RCAN3: variants seen among roughly 807,000 people sequenced by gnomAD.
RCAN3 encodes regulator of calcineurin 3, also known as calcipressin-3.
Under a neutral mutation model 21.9 loss-of-function variants are expected in RCAN3, and 19 were observed. The ratio of observed to expected loss-of-function variants is 0.87; its 90% CI spans 0.61 to 1.27. The LOEUF is 1.27. RCAN3 is among the 50% of genes most tolerant of loss of function. RCAN3 has a pLI of 0.00. For synonymous variants in RCAN3, 114 were observed against 112.3 expected (o/e 1.01, Z -0.09); for missense variants, 240 against 300.1 (o/e 0.80, Z 1.48).
intron 2 of RCAN3, among the ~76,000 whole-genome samples, chr1:24,517,822 G>A (rs1438585957): frequency 3.3e-5 from 5 of 150,158 alleles, no homozygotes; most frequent in Admixed American, 6.6e-5. Flanking sequence ...GTGAGACCTC[G>A]TTTCTATTAA....
chr1:24,528,587 G>A (rs1243395268), intron 2 of RCAN3, among the ~76,000 whole-genome samples: 1 of 152,176 alleles, frequency 6.6e-6, no homozygotes, highest in African/African-American at 2.4e-5. Flanking sequence ...TTAAGACAAA[G>A]GGCATTCCTT....
chr1:24,506,241 C>T (rs1404723084), intron 1 of RCAN3, among the ~76,000 whole-genome samples: 2 of 151,774 alleles, frequency 1.3e-5, no homozygotes, highest in East Asian at 1.9e-4. Flanking sequence ...CACTCTAGCC[C>T]GCATGACAGA....
In RCAN3 at chr1:24,537,738, A is replaced by T. The variant is rs56404812; in HGVS notation, c.*2461A>T. ...ACATGGTGAAATCCTGTCTCTACTTAAAAAATACAAAATTAGCCTGGCATG... is the reference window on the plus strand; with the variant it reads ...ACATGGTGAAATCCTGTCTCTACTTTAAAAATACAAAATTAGCCTGGCATG... On this transcript the variant is annotated 3_prime_UTR_variant, in exon 5 of 5. Coordinates refer to ENST00000374395, the MANE Select transcript of RCAN3 (RefSeq NM_013441.4). The T allele has an allele frequency of 0.039, 5,936 of 152,234 alleles. 213 individuals are homozygous for T. The highest frequency in any genetic ancestry group is 0.092 in the African/African-American group (3,817 of 41,498). 9.4% of individuals were successfully genotyped at this position (152,234 alleles called of 1,614,324 possible).
intron 2 of RCAN3, among the ~76,000 whole-genome samples, chr1:24,523,779 T>C (rs1365313932): frequency 6.6e-6 from 1 of 152,116 alleles, no homozygotes; most frequent in Admixed American, 6.6e-5. Flanking sequence ...TAATGTAATA[T>C]ATTTTGAGAT....
At chr1:24,519,791 T>C (rs1002742025) in intron 2 of RCAN3, among the ~76,000 whole-genome samples, 9 of 152,238 alleles carry the variant, frequency 5.9e-5, no homozygotes, top group African/African-American at 1.9e-4. Flanking sequence ...GGCTTAGTGA[T>C]GCAATGCTAT....
chr1:24,530,356 C>CAAAAAAAAAAA (rs56914359), intron 2 of RCAN3, among the ~76,000 whole-genome samples: 1,840 of 81,380 alleles, frequency 0.023, 123 homozygotes, highest in Non-Finnish European at 0.036. Context: ...CTCTTATCTC[C>CAAAAAAAAAAA]AAAAAAAAAA....
intron 2 of RCAN3, among the ~76,000 whole-genome samples, chr1:24,517,468 AAC>A (rs905531988): frequency 2.6e-5 from 4 of 152,000 alleles, no homozygotes; most frequent in Non-Finnish European, 5.9e-5. Context: ...GGAAATTTTT[AAC>A]CTGCAAAAAG....
chr1:24,514,487 A>T lies in RCAN3; in HGVS notation c.115A>T (p.Met39Leu). The change falls in exon 2 of 5, where the codon ATG becomes TTG. Residue 39 changes from methionine (M) to leucine (L), a missense_variant. By Grantham distance (15) the Met-to-Leu change is conservative. Coordinates refer to ENST00000374395, the MANE Select transcript of RCAN3 (RefSeq NM_013441.4). The stretch of plus-strand genomic sequence containing the variant: ...TGAAAATGAAGATGATTTGGATGAG[A>T]TGATGGATTTAAGTGATCTGCCTAC... ...FGENEDDLDE[M>L]MDLSDLPTSL... is the part of the protein sequence containing the mutation. The T allele has an allele frequency of 1.2e-6, 2 of 1,614,142 alleles. No individual in the cohort carries two copies. Among genetic ancestry groups the T allele is most frequent in the Non-Finnish European group, 1.7e-6 (2 of 1,180,020 alleles).
chr1:24,506,127 G>C lies in RCAN3; in HGVS notation c.-60+2977G>C, dbSNP rs188730091. Among the ~76,000 whole-genome samples the C allele has an allele frequency of 2.8e-4, 43 of 152,276 alleles. No individual in the cohort carries two copies. The East Asian group carries it at 8.1e-3, about 29-fold the overall frequency. ...TTGCTTACAGGAGCTGGAGGATATC[G>C]GTTCAGCCCTTTCTGCTGGGCCAGT... On this transcript the variant is annotated intron_variant, in intron 1 of 4. Transcript: ENST00000374395.
At chr1:24,519,969 G>T (rs776699328) in intron 2 of RCAN3, among the ~76,000 whole-genome samples, 17 of 152,250 alleles carry the variant, frequency 1.1e-4, no homozygotes, top group Non-Finnish European at 1.6e-4. Flanking sequence ...TCCATTTAAA[G>T]AAGTATCAAA....
chr1:24,509,823 G>A (rs1180498332), intron 1 of RCAN3, among the ~76,000 whole-genome samples: 1 of 152,170 alleles, frequency 6.6e-6, no homozygotes, highest in East Asian at 1.9e-4. Flanking sequence ...AGATCTATCT[G>A]AGGAATTGCT....
chr1:24,533,749 G>A (rs1016476662), intron 4 of RCAN3, among the ~76,000 whole-genome samples: 9 of 152,008 alleles, frequency 5.9e-5, no homozygotes, highest in African/African-American at 1.2e-4. Context: ...GCAGTGAGCC[G>A]AGATCGTACC....
At chr1:24,526,598 G>T (rs1050787417) in intron 2 of RCAN3, among the ~76,000 whole-genome samples, 1 of 152,160 alleles carries the variant, frequency 6.6e-6, no homozygotes, top group African/African-American at 2.4e-5. Context: ...AATTCGTTGT[G>T]GGGGGCTAGG....
intron 4 of RCAN3, among the ~76,000 whole-genome samples, chr1:24,534,163 A>G (rs529646333): frequency 1.2e-4 from 19 of 152,350 alleles, no homozygotes; most frequent in African/African-American, 4.1e-4. Flanking sequence ...GTAGGGGAAT[A>G]AAAGAGGCAT....
intron 4 of RCAN3, 45 bp from the exon 5 acceptor site, chr1:24,535,048 C>T: frequency 6.4e-7 from 1 of 1,570,356 alleles, no homozygotes; most frequent in Non-Finnish European, 8.6e-7. Flanking sequence ...GTTCTTTTTG[C>T]TGGAAGTGAT....
intron 1 of RCAN3, among the ~76,000 whole-genome samples, chr1:24,511,389 C>T (rs112575953): frequency 0.013 from 1,925 of 152,084 alleles, 41 homozygotes; most frequent in African/African-American, 0.044. Context: ...AACATGTATT[C>T]ATTGATTAAG....
chr1:24,533,234 C>A lies in RCAN3; in HGVS notation c.521C>A (p.Ala174Asp). ...MPVINYDLLC[A>D]VSKLGPGEKY... ...GTTATAAATTATGATTTACTCTGTG[C>A]TGTTTCCAAATTGGGACCAGGTAAT... Residue 174 changes from alanine (A) to aspartate (D), a missense_variant, in exon 4 of 5, where the codon GCT becomes GAT. Ala to Asp is a moderately radical substitution (Grantham distance 126, BLOSUM62 -2). Coordinates refer to ENST00000374395, the MANE Select transcript of RCAN3 (RefSeq NM_013441.4). 2 of 1,564,890 alleles carry A rather than the reference C, an allele frequency of 1.3e-6. No homozygotes were observed. The highest frequency in any genetic ancestry group is 1.7e-6 in the Non-Finnish European group (2 of 1,160,976).
At chr1:24,504,355 A>G (rs1020173720) in intron 1 of RCAN3, among the ~76,000 whole-genome samples, 1 of 151,938 alleles carries the variant, frequency 6.6e-6, no homozygotes, top group Admixed American at 6.6e-5. Flanking sequence ...TTTTGTAGAG[A>G]TTGGGTGTCA....
intron 2 of RCAN3, among the ~76,000 whole-genome samples, chr1:24,520,033 T>C (rs979279789): frequency 1.3e-5 from 2 of 152,258 alleles, no homozygotes. Flanking sequence ...AGTGATCTTA[T>C]GATTTTTAGA....
Sources: allele counts gnomAD v4.1 joint callset (sites outside exome capture counted in the v4.1 genomes callset), GRCh38; gene constraint gnomAD v4.1.1; transcripts MANE v1.5; gene names NCBI Gene and HGNC (gene_info 2026-07-23, HGNC 2026-07-21).